ROBO2: variants seen among roughly 807,000 people sequenced by gnomAD.
ROBO2 encodes roundabout guidance receptor 2, also known as roundabout homolog 2.
In ROBO2, 53 loss-of-function variants were observed where a neutral mutation model predicts 160.8. That is an observed-to-expected ratio of 0.33 (90% CI 0.26 to 0.41). ROBO2 has a LOEUF of 0.41. Ranked by LOEUF, ROBO2 falls within the 10% of genes least tolerant of loss-of-function variation. The probability of loss-of-function intolerance (pLI) is 1.00; values close to 1 mark genes in which losing one functional copy is unlikely to be tolerated. For synonymous variants in ROBO2, 664 were observed against 611.7 expected, an observed-to-expected ratio of 1.09 and a Z score of -1.26; for missense variants, 1,577 against 1,722.4, an observed-to-expected ratio of 0.92 and a Z score of 1.49.
At chr3:77,518,679 C>A (rs148437127) in intron 5 of ROBO2, among the ~76,000 whole-genome samples, 14 of 151,380 alleles carry the variant, frequency 9.2e-5, no homozygotes, top group African/African-American at 3.4e-4. Context: ...TGGTGCAATG[C>A]GTAGATATGT....
At chr3:76,761,114 A>T in intron 2 of ROBO2, among the ~76,000 whole-genome samples, 1 of 151,694 alleles carries the variant, frequency 6.6e-6, no homozygotes, top group East Asian at 2.0e-4. Context: ...TTCAAAGGTA[A>T]TTAATTACAC....
intron 2 of ROBO2, among the ~76,000 whole-genome samples, chr3:76,230,369 T>A (rs1157052094): frequency 6.6e-6 from 1 of 152,142 alleles, no homozygotes; most frequent in Non-Finnish European, 1.5e-5. Flanking sequence ...AGGTTACTAC[T>A]ACATTTGTCC....
In ROBO2 at chr3:77,456,316, T is replaced by A. The variant is rs1020185660; in HGVS notation, c.389-21098T>A. Among the ~76,000 whole-genome samples the A allele has an allele frequency of 1.3e-4, 20 of 152,328 alleles. No individual in the cohort carries two copies. The East Asian group carries it at 3.9e-3, about 29-fold the overall frequency. ...CTGTCTGTAATTATTTATGTTTTGT[T>A]GGAGATATAAGAAATCTCAAAGCTT... is the stretch of plus-strand genomic sequence containing the variant. On this transcript the variant is annotated intron_variant, in intron 2 of 25. Transcript: ENST00000461745.
At chr3:76,981,082 G>A (rs2060074176) in intron 2 of ROBO2, among the ~76,000 whole-genome samples, 2 of 152,138 alleles carry the variant, frequency 1.3e-5, no homozygotes, top group Non-Finnish European at 2.9e-5. Flanking sequence ...GTTTGTCTAT[G>A]CACCAATTGA....
rs529467420 is a variant in ROBO2, at chr3:76,345,176, G to A, written c.109+407574G>A. Among the ~76,000 whole-genome samples the A allele has an allele frequency of 8.5e-5, 13 of 152,208 alleles. No homozygotes were observed. The South Asian group carries it at 2.5e-3, about 29-fold the overall frequency. On this transcript the variant is annotated intron_variant, in intron 2 of 26. Transcript: ENST00000487694. Reference sequence around the variant, plus strand: ...GGATACAAGGAGGTGTGTCGGGGAGGAGGTGTCCATATGAATATAAGGCCA... The same window carrying A: ...GGATACAAGGAGGTGTGTCGGGGAGAAGGTGTCCATATGAATATAAGGCCA...
chr3:76,463,764 T>C (rs962818130), intron 2 of ROBO2, among the ~76,000 whole-genome samples: 1 of 152,178 alleles, frequency 6.6e-6, no homozygotes, highest in Non-Finnish European at 1.5e-5. Context: ...GTAACTCTTT[T>C]CTTTGCCTGC....
At chr3:77,420,147 G>A (rs1314989827) in intron 2 of ROBO2, among the ~76,000 whole-genome samples, 1 of 152,066 alleles carries the variant, frequency 6.6e-6, no homozygotes, top group Non-Finnish European at 1.5e-5. Context: ...TAAGATGGAA[G>A]AGATGGTCAT....
intron 2 of ROBO2, among the ~76,000 whole-genome samples, chr3:76,103,989 G>T (rs2069813314): frequency 6.6e-6 from 1 of 152,096 alleles, no homozygotes; most frequent in Non-Finnish European, 1.5e-5. Context: ...CCTTCCCTTG[G>T]TGCATGTTTC....
chr3:77,224,664 T>C (rs2151227008), intron 2 of ROBO2, among the ~76,000 whole-genome samples: 1 of 152,004 alleles, frequency 6.6e-6, no homozygotes, highest in East Asian at 1.9e-4. Flanking sequence ...AAGGTGTTTT[T>C]TGTTTTTGTT....
intron 2 of ROBO2, among the ~76,000 whole-genome samples, chr3:76,483,132 A>G (rs765260617): frequency 1.3e-5 from 2 of 152,118 alleles, no homozygotes; most frequent in African/African-American, 2.4e-5. Flanking sequence ...AAACTAAACT[A>G]ATAGGAACTA....
At chr3:76,361,703 G>A (rs968616161) in intron 2 of ROBO2, among the ~76,000 whole-genome samples, 2 of 151,998 alleles carry the variant, frequency 1.3e-5, no homozygotes, top group African/African-American at 4.8e-5. Context: ...TTTATTAGGA[G>A]CCCAACTCCT....
intron 6 of ROBO2, among the ~76,000 whole-genome samples, chr3:77,525,424 T>TA (rs34783219): frequency 0.77 from 113,019 of 146,692 alleles, 44,070 homozygotes; most frequent in African/African-American, 0.9. Flanking sequence ...AAATATGCTT[T>TA]AAAAAAAAAA....
At chr3:76,223,628 G>A (rs1207704741) in intron 2 of ROBO2, among the ~76,000 whole-genome samples, 1 of 152,122 alleles carries the variant, frequency 6.6e-6, no homozygotes, top group Non-Finnish European at 1.5e-5. Context: ...TTCAAGGCTG[G>A]GAGTACAACT....
intron 2 of ROBO2, among the ~76,000 whole-genome samples, chr3:76,508,151 A>C (rs2080893772): frequency 6.6e-6 from 1 of 152,186 alleles, no homozygotes; most frequent in Non-Finnish European, 1.5e-5. Flanking sequence ...ATACATGTAC[A>C]CAAACTTGTC....
At chr3:76,080,049 T>G (rs1007543727) in intron 2 of ROBO2, among the ~76,000 whole-genome samples, 2 of 152,172 alleles carry the variant, frequency 1.3e-5, no homozygotes, top group Non-Finnish European at 2.9e-5. Flanking sequence ...GCTTTTCCCT[T>G]TTGTGTAGAA....
chr3:77,514,081 T>C (rs963349410), intron 5 of ROBO2, among the ~76,000 whole-genome samples: 1 of 151,718 alleles, frequency 6.6e-6, no homozygotes, highest in African/African-American at 2.4e-5. Flanking sequence ...TTACAGCCAA[T>C]GATACCTTCT....
chr3:76,199,113 C>T (rs1702396000), intron 2 of ROBO2, among the ~76,000 whole-genome samples: 1 of 152,164 alleles, frequency 6.6e-6, no homozygotes, highest in South Asian at 2.1e-4. Context: ...TTGCAACAGG[C>T]TGTTGCCTCA....
chr3:76,746,790 A>G (rs2093899966), intron 2 of ROBO2, among the ~76,000 whole-genome samples: 1 of 152,076 alleles, frequency 6.6e-6, no homozygotes, highest in African/African-American at 2.4e-5. Context: ...TGTTTTTCCT[A>G]ATGCTTTCGC....
intron 2 of ROBO2, among the ~76,000 whole-genome samples, chr3:76,842,504 A>G (rs1381642453): frequency 6.6e-6 from 1 of 152,044 alleles, no homozygotes; most frequent in East Asian, 1.9e-4. Context: ...CTGCTTATAA[A>G]CCCTAGAGAC....
Sources: gnomAD v4.1 joint callset for allele counts (sites outside exome capture counted in the v4.1 genomes callset) on GRCh38, gnomAD v4.1.1 for gene constraint, MANE v1.5 for transcripts, NCBI Gene and HGNC (gene_info 2026-07-23, HGNC 2026-07-21) for gene names.